RBM48: variants seen among roughly 807,000 people sequenced by gnomAD.
RBM48 encodes the protein RNA-binding protein 48.
A neutral mutation model predicts 34.8 loss-of-function variants in RBM48; 32 were observed. The observed-to-expected ratio is 0.92, with a 90% CI of 0.69 to 1.23. RBM48 has a LOEUF of 1.23. RBM48 is among the 50% of genes most tolerant of loss of function. RBM48 has a pLI of 0.00. For missense variants in RBM48, 441 were observed against 447.2 expected, an observed-to-expected ratio of 0.99 and a Z score of 0.12; for synonymous variants, 151 against 156.2, an observed-to-expected ratio of 0.97 and a Z score of 0.25.
chr7:92,536,999 A>G lies in RBM48; in HGVS notation c.*62A>G. The G allele has an allele frequency of 2.4e-6, 3 of 1,233,846 alleles. No homozygotes were observed. The highest frequency in any genetic ancestry group is 3.4e-6 in the Non-Finnish European group (3 of 889,876). The allele number at this position is 1,233,846 out of a possible 1,614,324, so 76.4% of individuals were successfully genotyped here. On this transcript the variant is annotated 3_prime_UTR_variant, in exon 5 of 5. Coordinates refer to ENST00000265732, the MANE Select transcript of RBM48 (RefSeq NM_032120.4). ...ATTTATTATTTATTTTTAGCCTGTC[A>G]TTTTAATTCTTCAAGAGATTTTACT...
chr7:92,534,247 C>T, intron 3 of RBM48, 155 bp from the exon 4 acceptor site: 1 of 1,118,880 alleles, frequency 8.9e-7, no homozygotes, highest in Non-Finnish European at 1.3e-6. Flanking sequence ...GGTTTTAAAC[C>T]ATGTGAATAT....
rs1444619302 is a variant in RBM48 at position 92,539,607 on chromosome 7, G to A, written c.*2670G>A. 2.0e-5 allele frequency among the ~76,000 whole-genome samples: 3 copies of A among 152,196 alleles called. No homozygotes were observed. The highest frequency in any genetic ancestry group is 4.8e-5 in the African/African-American group (2 of 41,434). ...CCAGCTACTCGGGAGGCTGAGGCATGAGAATTACTTGAACCCAGGAGGCAG... is the reference window on the plus strand; with the variant it reads ...CCAGCTACTCGGGAGGCTGAGGCATAAGAATTACTTGAACCCAGGAGGCAG... On this transcript the variant is annotated 3_prime_UTR_variant, in exon 5 of 5. Coordinates refer to ENST00000265732, the MANE Select transcript of RBM48 (RefSeq NM_032120.4).
rs148650691 is a variant in RBM48, at chr7:92,531,280, C to T, written c.303-1124C>T. ...ATAAAGGTGTATCCTGGTCAGAATACAGTAAACATTAGCTATTGTGGTTTC... is the reference window on the plus strand; with the variant it reads ...ATAAAGGTGTATCCTGGTCAGAATATAGTAAACATTAGCTATTGTGGTTTC... On this transcript the variant is annotated intron_variant, in intron 2 of 4. Transcript: ENST00000265732. 4.1e-3 allele frequency among the ~76,000 whole-genome samples: 631 copies of T among 152,312 alleles called. 1 individual carries two copies. Among genetic ancestry groups the T allele is most frequent in the Non-Finnish European group, 6.5e-3 (441 of 68,032 alleles).
chr7:92,538,352 C>A lies in RBM48; in HGVS notation c.*1415C>A, dbSNP rs1401816444. Among the ~76,000 whole-genome samples the A allele has an allele frequency of 6.6e-6, 1 of 152,142 alleles. No homozygotes were observed. Among genetic ancestry groups the A allele is most frequent in the African/African-American group, 2.4e-5 (1 of 41,436 alleles). On this transcript the variant is annotated 3_prime_UTR_variant, in exon 5 of 5. Transcript: ENST00000265732. Reference sequence around the variant, plus strand: ...TAGAGTTGGGGGGTTAATCTTTAACCTCAGGCCTGGTCAGTGGCGTCGGTT... The same window carrying A: ...TAGAGTTGGGGGGTTAATCTTTAACATCAGGCCTGGTCAGTGGCGTCGGTT...
intron 3 of RBM48, among the ~76,000 whole-genome samples, chr7:92,533,268 G>A (rs1793620375): frequency 6.6e-6 from 1 of 152,162 alleles, no homozygotes; most frequent in Non-Finnish European, 1.5e-5. Flanking sequence ...ATAGCACCAG[G>A]AAAACTTGTA....
chr7:92,532,534 A>G lies in RBM48; in HGVS notation c.433A>G (p.Thr145Ala), dbSNP rs201482613. The change falls in exon 3 of 5, where the codon ACT (threonine) becomes GCT (alanine). Residue 145 changes from threonine to alanine, a missense_variant. Transcript: ENST00000265732. ...AATGCGGAAGGCATATGTAGTAAAAACTACTGAAAATAAAGGTATGGAAAG... is the reference window on the plus strand; with the variant it reads ...AATGCGGAAGGCATATGTAGTAAAAGCTACTGAAAATAAAGGTATGGAAAG... ...LQMRKAYVVK[T>A]TENKDHYVTK... 1.8e-5 allele frequency: 29 copies of G among 1,610,980 alleles called. No individual in the cohort carries two copies. The African/African-American group carries it at 2.0e-4, about 11-fold the overall frequency.
At chr7:92,529,858 T>A (rs1319624315) in intron 2 of RBM48, among the ~76,000 whole-genome samples, 192 bp downstream of exon 2, 1 of 152,176 alleles carries the variant, frequency 6.6e-6, no homozygotes, top group African/African-American at 2.4e-5. Flanking sequence ...TGCTTAACAA[T>A]TTAATGTCCT....
chr7:92,536,499 A>G (rs945114029), intron 4 of RBM48: 6 of 991,342 alleles, frequency 6.1e-6, no homozygotes, highest in Middle Eastern at 5.1e-4. Context: ...AAATCTATCA[A>G]ACGTTATCAG....
At chr7:92,531,177 C>T (rs1385546621) in intron 2 of RBM48, among the ~76,000 whole-genome samples, 2 of 152,268 alleles carry the variant, frequency 1.3e-5, no homozygotes, top group East Asian at 1.9e-4. Context: ...TTAAGTTTTT[C>T]CTCTTCCATA....
chr7:92,534,778 G>A lies in RBM48; in HGVS notation c.825G>A (p.Met275Ile), dbSNP rs1418421704. Reference protein sequence around the residue: ...ITSSEAVDRFMPRTTQLQERK... With the variant: ...ITSSEAVDRFIPRTTQLQERK... ...CTTCAGAGGCAGTTGACAGATTTAT[G>A]CCTAGGACAACACAACTGCAGGAGC... Residue 275 changes from methionine (M) to isoleucine (I), a missense_variant, in exon 4 of 5, where the codon ATG becomes ATA. Physicochemically the swap from Met to Ile is conservative, Grantham distance 10. Transcript: ENST00000265732. 1 of 1,614,126 alleles carries A rather than the reference G, an allele frequency of 6.2e-7. No homozygotes were observed.
chr7:92,530,460 C>T (rs1038245687), intron 2 of RBM48, among the ~76,000 whole-genome samples: 1 of 150,720 alleles, frequency 6.6e-6, no homozygotes, highest in Non-Finnish European at 1.5e-5. Context: ...ATGCCACTGC[C>T]CTCCAGCCTA....
At chr7:92,529,750 C>A in intron 2 of RBM48, 84 bp downstream of exon 2, 1 of 837,396 alleles carries the variant, frequency 1.2e-6, no homozygotes, top group Non-Finnish European at 1.8e-6. Flanking sequence ...TTCCCTCATT[C>A]ATAACTGAAT....
chr7:92,529,783 T>C, intron 2 of RBM48, 117 bp downstream of exon 2: 1 of 607,692 alleles, frequency 1.6e-6, no homozygotes, highest in South Asian at 2.2e-5. Flanking sequence ...TAATCTAGCA[T>C]ATCTTCCTCC....
chr7:92,530,795 CAA>C (rs577371763), intron 2 of RBM48, among the ~76,000 whole-genome samples: 7 of 128,446 alleles, frequency 5.4e-5, no homozygotes, highest in Admixed American at 7.9e-5. Flanking sequence ...GAGACTGTCT[CAA>C]AAAAAAAAAA....
chr7:92,534,271 G>T, intron 3 of RBM48, 131 bp from the exon 4 acceptor site: 1 of 1,326,782 alleles, frequency 7.5e-7, no homozygotes, highest in South Asian at 1.3e-5. Flanking sequence ...CCCTTCTCAA[G>T]AAATGATTTT....
intron 2 of RBM48, 23 bp from the exon 3 acceptor site, chr7:92,532,381 T>A (rs1227894497): frequency 6.3e-7 from 1 of 1,584,450 alleles, no homozygotes; most frequent in African/African-American, 1.4e-5. Flanking sequence ...TAAAAAACTA[T>A]GCTATCTTGT....
chr7:92,535,704 A>G (rs1235402404), intron 4 of RBM48: 1 of 984,566 alleles, frequency 1.0e-6, no homozygotes, highest in Non-Finnish European at 1.2e-6. Context: ...AGTTTTACTC[A>G]TATTTTACAA....
intron 4 of RBM48, chr7:92,536,532 G>A: frequency 1.0e-6 from 1 of 1,003,516 alleles, no homozygotes; most frequent in South Asian, 4.6e-5. Context: ...GCAAAACCAG[G>A]ATATCTATCT....
At position 92,529,568 on chromosome 7, in the gene RBM48, A is replaced by T. The variant is rs1793489542; in HGVS notation, c.204A>T (p.Leu68Phe). ...AGGAATTAGTTGAGCGATTCGCTTT[A>T]TATGGTGCAATTGAACAGTACAATG... Reference protein sequence around the residue: ...VMKELVERFALYGAIEQYNAL... With the variant: ...VMKELVERFAFYGAIEQYNAL... The change falls in exon 2 of 5, where the codon TTA becomes TTT. Residue 68 changes from leucine (L) to phenylalanine (F), a missense_variant. By Grantham distance (22) the Leu-to-Phe change is conservative (BLOSUM62 0). Coordinates refer to ENST00000265732, the MANE Select transcript of RBM48 (RefSeq NM_032120.4). The T allele has an allele frequency of 6.2e-7, 1 of 1,610,232 alleles. No individual in the cohort carries two copies. Among genetic ancestry groups the T allele is most frequent in the Admixed American group, 1.7e-5 (1 of 60,004 alleles).
Sources: allele counts gnomAD v4.1 joint callset (sites outside exome capture counted in the v4.1 genomes callset), GRCh38; gene constraint gnomAD v4.1.1; transcripts MANE v1.5; gene names NCBI Gene and HGNC (gene_info 2026-07-23, HGNC 2026-07-21).